The following CPNE4 variants were observed in gnomAD, a reference collection of about 807,000 sequenced individuals.
CPNE4 encodes the protein copine 4, also known as copine-4.
A neutral mutation model predicts 67.9 loss-of-function variants in CPNE4; 25 were observed. That is an observed-to-expected ratio of 0.37 (90% CI 0.27 to 0.51). CPNE4 has a LOEUF of 0.51. Among genes scored for constraint, CPNE4 ranks in the 20% least tolerant of loss-of-function variants. The probability of loss-of-function intolerance (pLI) is 0.93; values close to 1 mark genes in which losing one functional copy is unlikely to be tolerated. For missense variants in CPNE4, 464 were observed against 690.8 expected (o/e 0.67, Z 3.68); for synonymous variants, 242 against 244.9 (o/e 0.99, Z 0.11).
chr3:131,899,738 T>C (rs1655737555), intron 2 of CPNE4, among the ~76,000 whole-genome samples: 1 of 152,126 alleles, frequency 6.6e-6, no homozygotes. Flanking sequence ...ATCACATAAA[T>C]GTTAATATTG....
rs1441037039 is a variant in CPNE4 at position 131,723,507 on chromosome 3, C to G, written c.299G>C (p.Ser100Thr). ...RLRFEVHDISSNHNGLKEADF... is the reference protein window; with the variant it reads ...RLRFEVHDISTNHNGLKEADF... ...GGCCTCCTTCAGCCCATTGTGGTTG[C>G]TGCTGATGTCATGGACTTCAAACCG... Residue 100 changes from serine to threonine, a missense_variant, in exon 3 of 16, where the codon AGC becomes ACC. By Grantham distance (58) the Ser-to-Thr change is moderately conservative. Coordinates refer to ENST00000429747, the MANE Select transcript of CPNE4 (RefSeq NM_130808.3). 1 of 1,613,902 alleles carries G rather than the reference C, an allele frequency of 6.2e-7. No individual in the cohort carries two copies. Among genetic ancestry groups the G allele is most frequent in the Non-Finnish European group, 8.5e-7 (1 of 1,180,032 alleles).
intron 2 of CPNE4, among the ~76,000 whole-genome samples, chr3:131,803,658 T>G (rs1356850547): frequency 6.6e-6 from 1 of 152,206 alleles, no homozygotes; most frequent in Non-Finnish European, 1.5e-5. Flanking sequence ...AACCCATACT[T>G]TAGACAACTC....
chr3:131,947,846 C>G (rs2071601531), intron 1 of CPNE4, among the ~76,000 whole-genome samples: 1 of 152,138 alleles, frequency 6.6e-6, no homozygotes, highest in African/African-American at 2.4e-5. Flanking sequence ...AATTTACACC[C>G]CCATCAACAG....
intron 1 of CPNE4, among the ~76,000 whole-genome samples, chr3:132,000,847 T>TAAAA (rs147138241): frequency 1.4e-5 from 2 of 138,490 alleles, no homozygotes; most frequent in African/African-American, 5.4e-5. Context: ...CCATGTTTCT[T>TAAAA]AAAAAAAAAA....
intron 6 of CPNE4, among the ~76,000 whole-genome samples, chr3:131,683,034 G>A (rs1204151258): frequency 1.3e-5 from 2 of 152,120 alleles, no homozygotes; most frequent in Non-Finnish European, 2.9e-5. Context: ...CTTCAGGGAA[G>A]TGGACTCCTC....
At chr3:131,577,741 A>G (rs975887545) in intron 9 of CPNE4, among the ~76,000 whole-genome samples, 1 of 152,114 alleles carries the variant, frequency 6.6e-6, no homozygotes, top group South Asian at 2.1e-4. Context: ...GACCTTATAA[A>G]CACTTAAGCT....
chr3:131,884,722 G>A (rs531587712), intron 2 of CPNE4, among the ~76,000 whole-genome samples: 30 of 152,238 alleles, frequency 2.0e-4, no homozygotes, highest in Non-Finnish European at 4.0e-4. Flanking sequence ...CTGTTCTCAC[G>A]GTGGTGAACA....
At position 131,689,318 on chromosome 3, in the gene CPNE4, G is replaced by A. The variant is rs115771056; in HGVS notation, c.508-3360C>T. On this transcript the variant is annotated intron_variant, in intron 5 of 15. Coordinates refer to ENST00000429747, the MANE Select transcript of CPNE4 (RefSeq NM_130808.3). ...GGTACACGGTGAAGACTGAAAAAATGTTAGCTGCAAAAATCCTCAACAAAA... is the reference window on the plus strand; with the variant it reads ...GGTACACGGTGAAGACTGAAAAAATATTAGCTGCAAAAATCCTCAACAAAA... Among the ~76,000 whole-genome samples the A allele has an allele frequency of 1.6e-3, 238 of 152,172 alleles. 2 individuals carry two copies. The highest frequency in any genetic ancestry group is 5.4e-3 in the African/African-American group (224 of 41,536).
At chr3:131,980,565 CCTAT>C (rs753769242) in intron 1 of CPNE4, among the ~76,000 whole-genome samples, 24 of 151,956 alleles carry the variant, frequency 1.6e-4, no homozygotes, top group Non-Finnish European at 2.8e-4. Context: ...TTTTCTTTAA[CCTAT>C]CTATTTCATT....
At chr3:131,724,254 G>A (rs775175458) in intron 2 of CPNE4, among the ~76,000 whole-genome samples, 2 of 152,044 alleles carry the variant, frequency 1.3e-5, no homozygotes, top group Non-Finnish European at 2.9e-5. Context: ...CTTTGGTCTC[G>A]AGTATGCCCT....
intron 7 of CPNE4, among the ~76,000 whole-genome samples, chr3:131,665,632 CT>C (rs1461120095): frequency 6.6e-6 from 1 of 151,528 alleles, no homozygotes; most frequent in Admixed American, 6.6e-5. Context: ...GCAATCCAGC[CT>C]GGGCAACAGA....
intron 7 of CPNE4, among the ~76,000 whole-genome samples, chr3:131,602,268 C>G (rs1331580854): frequency 6.6e-6 from 1 of 151,342 alleles, no homozygotes; most frequent in Non-Finnish European, 1.5e-5. Context: ...AATTCAACAG[C>G]AACAACAACA....
At chr3:131,778,173 G>C (rs2083337678) in intron 2 of CPNE4, among the ~76,000 whole-genome samples, 1 of 152,058 alleles carries the variant, frequency 6.6e-6, no homozygotes, top group African/African-American at 2.4e-5. Context: ...TTGTCCATTG[G>C]AACTCCTTGC....
chr3:131,729,686 T>A (rs574688437), intron 2 of CPNE4, among the ~76,000 whole-genome samples: 2 of 152,356 alleles, frequency 1.3e-5, no homozygotes, highest in South Asian at 4.1e-4. Context: ...GTGTAAAAAG[T>A]CTCATGTGGA....
At chr3:131,671,950 T>G (rs144672965) in intron 6 of CPNE4, among the ~76,000 whole-genome samples, 32 of 152,260 alleles carry the variant, frequency 2.1e-4, no homozygotes, top group African/African-American at 7.0e-4. Context: ...TAACCATTAT[T>G]ACTTCCCTCC....
At chr3:131,753,040 G>T (rs531414064) in intron 2 of CPNE4, among the ~76,000 whole-genome samples, 3 of 151,214 alleles carry the variant, frequency 2.0e-5, no homozygotes, top group Admixed American at 1.3e-4. Context: ...AAATATAAAA[G>T]CTAATGTTGC....
chr3:132,037,693 G>T, upstream of CPNE4: 1 of 1,191,266 alleles, frequency 8.4e-7, no homozygotes. Context: ...GCTCTGGGTA[G>T]ATTCACTCGC....
intron 1 of CPNE4, among the ~76,000 whole-genome samples, chr3:131,953,055 A>G (rs1034435776): frequency 6.6e-6 from 1 of 151,892 alleles, no homozygotes; most frequent in African/African-American, 2.4e-5. Context: ...ATGCTCGTTA[A>G]GAGTCATCAC....
chr3:132,007,033 T>C (rs1028465299), intron 1 of CPNE4, among the ~76,000 whole-genome samples: 3 of 152,120 alleles, frequency 2.0e-5, no homozygotes, highest in Non-Finnish European at 4.4e-5. Flanking sequence ...TCCAGGGCTG[T>C]TATCCTTTAT....
Sources: allele counts gnomAD v4.1 joint callset (sites outside exome capture counted in the v4.1 genomes callset), GRCh38; gene constraint gnomAD v4.1.1; transcripts MANE v1.5; gene names NCBI Gene and HGNC (gene_info 2026-07-23, HGNC 2026-07-21).